Variants in SLC39A11 observed in about 807,000 individuals in gnomAD.
SLC39A11 encodes solute carrier family 39 member 11.
In SLC39A11, 33 loss-of-function variants were observed where a neutral mutation model predicts 36.1. The ratio of observed to expected loss-of-function variants is 0.91; its 90% CI spans 0.69 to 1.22. The LOEUF (loss-of-function observed/expected upper bound fraction) is 1.22, where lower values mean the gene tolerates loss of function less well. SLC39A11 is among the 50% of genes most tolerant of loss of function. The pLI, the probability that SLC39A11 is intolerant of heterozygous loss-of-function variation, is 0.00. For missense variants in SLC39A11, 432 were observed against 430.3 expected (o/e 1.00, Z -0.03); for synonymous variants, 166 against 170.3 (o/e 0.97, Z 0.20).
At chr17:72,881,271 C>T (rs557509210) in intron 5 of SLC39A11, among the ~76,000 whole-genome samples, 1 of 152,162 alleles carries the variant, frequency 6.6e-6, no homozygotes, top group African/African-American at 2.4e-5. Flanking sequence ...GTCTGTTCTG[C>T]AAGTGAATGG....
intron 7 of SLC39A11, among the ~76,000 whole-genome samples, chr17:72,720,199 G>A (rs1406609726): frequency 6.6e-6 from 1 of 152,176 alleles, no homozygotes; most frequent in South Asian, 2.1e-4. Flanking sequence ...GACAAGGGCT[G>A]GGCAGTACCA....
intron 7 of SLC39A11, among the ~76,000 whole-genome samples, chr17:72,659,111 C>A (rs1216772524): frequency 6.6e-6 from 1 of 152,210 alleles, no homozygotes; most frequent in Non-Finnish European, 1.5e-5. Context: ...ACTCCAGAGT[C>A]AACCGCTAAG....
intron 6 of SLC39A11, among the ~76,000 whole-genome samples, chr17:72,824,296 T>A (rs1413661475): frequency 6.6e-6 from 1 of 151,310 alleles, no homozygotes; most frequent in Non-Finnish European, 1.5e-5. Context: ...AAGACATGCC[T>A]GCTTACCCTT....
intron 6 of SLC39A11, among the ~76,000 whole-genome samples, chr17:72,789,419 G>C (rs1256831536): frequency 6.6e-6 from 1 of 152,204 alleles, no homozygotes; most frequent in East Asian, 1.9e-4. Flanking sequence ...CAAAATTCAA[G>C]TCAAAGAAGT....
intron 5 of SLC39A11, among the ~76,000 whole-genome samples, chr17:72,887,137 T>C (rs2146652138): frequency 6.6e-6 from 1 of 152,318 alleles, no homozygotes; most frequent in Middle Eastern, 3.4e-3. Flanking sequence ...CTTTGTCTTT[T>C]TGGGTACACT....
rs1317986906 is a variant in SLC39A11 at position 72,985,406 on chromosome 17, C to T, written c.307-37531G>A. ...ACCTTCTTTATTTGCATGGGGCCTG[C>T]CTTTTTTTTTTTTTTTTTTTTTTTG... On this transcript the variant is annotated intron_variant, in intron 4 of 9. Coordinates refer to ENST00000255559, the MANE Select transcript of SLC39A11 (RefSeq NM_139177.4). 1.6e-4 allele frequency among the ~76,000 whole-genome samples: 12 copies of T among 75,424 alleles called. No homozygotes were observed. In the South Asian group the frequency reaches 7.0e-3, roughly 44 times the overall value. The allele number at this position is 75,424 out of a possible 152,430, so 49.5% of individuals were successfully genotyped here.
intron 4 of SLC39A11, among the ~76,000 whole-genome samples, chr17:72,999,806 T>A (rs527845042): frequency 1.3e-5 from 2 of 152,228 alleles, no homozygotes; most frequent in Non-Finnish European, 2.9e-5. Context: ...AGTGGTGCGA[T>A]CTCAGCTCAC....
At chr17:72,876,641 C>G (rs1468856384) in intron 5 of SLC39A11, among the ~76,000 whole-genome samples, 4 of 152,170 alleles carry the variant, frequency 2.6e-5, no homozygotes, top group Admixed American at 6.5e-5. Flanking sequence ...AACCCCTCAC[C>G]TGTCATGATC....
intron 6 of SLC39A11, among the ~76,000 whole-genome samples, chr17:72,843,106 C>G (rs371720144): frequency 2.0e-5 from 3 of 151,976 alleles, no homozygotes; most frequent in Non-Finnish European, 2.9e-5. Flanking sequence ...CGTGCCACCA[C>G]GCCCAGCTAA....
intron 4 of SLC39A11, among the ~76,000 whole-genome samples, chr17:72,960,142 G>A (rs1354856535): frequency 6.6e-6 from 1 of 152,156 alleles, no homozygotes; most frequent in Admixed American, 6.5e-5. Flanking sequence ...TGTATTCAAT[G>A]AGCAGAATAC....
chr17:72,757,303 C>A (rs9890071), intron 6 of SLC39A11, among the ~76,000 whole-genome samples: 120,566 of 152,154 alleles, frequency 0.79, 48,168 homozygotes, highest in African/African-American at 0.89. Context: ...GACAGGAATC[C>A]CATGAGCCAG....
In SLC39A11 at chr17:72,740,124, G is replaced by A. The variant is rs150005433; in HGVS notation, c.602-3405C>T. ...GTCGCCCAGGCTGGAGTGCAGTGGCGCCATTTCGGCTCACTGCAAGCTCCA... is the reference window on the plus strand; with the variant it reads ...GTCGCCCAGGCTGGAGTGCAGTGGCACCATTTCGGCTCACTGCAAGCTCCA... On this transcript the variant is annotated intron_variant, in intron 6 of 9. Coordinates refer to ENST00000255559, the MANE Select transcript of SLC39A11 (RefSeq NM_139177.4). Among the ~76,000 whole-genome samples, 1,114 of 128,484 alleles carry A rather than the reference G, an allele frequency of 8.7e-3. 16 individuals are homozygous for A. Among genetic ancestry groups the A allele is most frequent in the African/African-American group, 0.031 (1,038 of 33,022 alleles). The allele number at this position is 128,484 out of a possible 152,430, so 84.3% of individuals were successfully genotyped here. A position where few individuals can be genotyped will look rare whatever the true frequency, so the allele number is the denominator to read the frequency against.
In SLC39A11 at chr17:72,752,037, A is replaced by G. The variant is rs577999421; in HGVS notation, c.602-15318T>C. ...TCTCGCAGAGCAGGACTCACACAGT[A>G]TCTGTGATGCCCTCTTTCTTATGTC... On this transcript the variant is annotated intron_variant, in intron 6 of 9. Coordinates refer to ENST00000255559, the MANE Select transcript of SLC39A11 (RefSeq NM_139177.4). Among the ~76,000 whole-genome samples, 8 of 152,238 alleles carry G rather than the reference A, an allele frequency of 5.3e-5. No individual in the cohort carries two copies. In the South Asian group the frequency reaches 6.2e-4, roughly 12 times the overall value.
chr17:73,091,777 A>C (rs181012091), intron 1 of SLC39A11: 1 of 152,362 alleles, frequency 6.6e-6, no homozygotes, highest in African/African-American at 2.4e-5. Context: ...TCATTCTCTG[A>C]CCGTTCCAAC....
At chr17:72,987,614 G>A (rs1192779852) in intron 4 of SLC39A11, among the ~76,000 whole-genome samples, 2 of 152,234 alleles carry the variant, frequency 1.3e-5, no homozygotes, top group Non-Finnish European at 2.9e-5. Flanking sequence ...TAGGGGAACA[G>A]ATGGCTTGCA....
chr17:72,998,572 A>C (rs193113153), intron 4 of SLC39A11, among the ~76,000 whole-genome samples: 1 of 152,348 alleles, frequency 6.6e-6, no homozygotes, highest in East Asian at 1.9e-4. Flanking sequence ...TAAATGAATC[A>C]CAGAAAACAA....
chr17:72,792,180 A>G (rs1291080876), intron 6 of SLC39A11, among the ~76,000 whole-genome samples: 1 of 152,234 alleles, frequency 6.6e-6, no homozygotes, highest in Non-Finnish European at 1.5e-5. Flanking sequence ...GACATAACTC[A>G]GAAGAGGAGA....
chr17:72,648,763 G>A, intron 9 of SLC39A11, 40 bp downstream of exon 9: 1 of 1,609,950 alleles, frequency 6.2e-7, no homozygotes, highest in Non-Finnish European at 8.5e-7. Context: ...TCCCAGCTGG[G>A]ACTGGGACAG....
chr17:72,753,889 C>CAAAAAAAAAAAAAAAAAAAA (rs35076559), intron 6 of SLC39A11, among the ~76,000 whole-genome samples: 2 of 51,918 alleles, frequency 3.9e-5, no homozygotes, highest in African/African-American at 6.6e-5. Context: ...AGTCATTATA[C>CAAAAAAAAAAAAAAAAAAAA]AAAAAAAAAA....
Sources: gnomAD v4.1 joint callset for allele counts (sites outside exome capture counted in the v4.1 genomes callset) on GRCh38, gnomAD v4.1.1 for gene constraint, MANE v1.5 for transcripts, NCBI Gene and HGNC (gene_info 2026-07-23, HGNC 2026-07-21) for gene names.